Variants in UNC45B observed in about 807,000 individuals in gnomAD.
The protein encoded by UNC45B is unc-45 myosin chaperone B, also known as protein unc-45 homolog B.
UNC45B carries 78 observed loss-of-function variants against 98.7 expected under a neutral mutation model. That is an observed-to-expected ratio of 0.79 (90% CI 0.66 to 0.95). The LOEUF (loss-of-function observed/expected upper bound fraction) is 0.95, where lower values mean the gene tolerates loss of function less well. Among genes scored for constraint, UNC45B ranks in the 40% least tolerant of loss-of-function variants. UNC45B has a pLI of 0.00. For missense variants in UNC45B, 1,225 were observed against 1,184.9 expected (o/e 1.03, Z -0.50); for synonymous variants, 462 against 480.4 (o/e 0.96, Z 0.50).
intron 9 of UNC45B, among the ~76,000 whole-genome samples, chr17:35,166,095 A>G (rs1362157632): frequency 1.4e-5 from 2 of 146,842 alleles, no homozygotes; most frequent in Non-Finnish European, 3.0e-5. Context: ...CTAAAAAAAA[A>G]AAAAAAAAAA....
Position 35,174,359 on chromosome 17 carries a change from C to A in UNC45B, c.1948C>A (p.Leu650Met). Residue 650 changes from leucine to methionine, a missense_variant, in exon 14 of 20, where the codon CTG becomes ATG. Coordinates refer to ENST00000394570, the MANE Select transcript of UNC45B (RefSeq NM_001267052.2). ...CATCCTCACTGACCAGACCAAGGAGCTGCTGGCCAGGTGGGGCTGCAGTGG... is the reference window on the plus strand; with the variant it reads ...CATCCTCACTGACCAGACCAAGGAGATGCTGGCCAGGTGGGGCTGCAGTGG... Reference protein sequence around the residue: ...SAILTDQTKELLARVFLALCD... With the variant: ...SAILTDQTKEMLARVFLALCD... The A allele has an allele frequency of 6.2e-7, 1 of 1,614,126 alleles. No homozygotes were observed.
At position 35,186,578 on chromosome 17, in the gene UNC45B, G is replaced by T. The variant is rs772286138; in HGVS notation, c.*19G>T. The T allele has an allele frequency of 6.2e-7, 1 of 1,613,136 alleles. No individual in the cohort carries two copies. On this transcript the variant is annotated 3_prime_UTR_variant, in exon 20 of 20. Coordinates refer to ENST00000394570, the MANE Select transcript of UNC45B (RefSeq NM_001267052.2). Reference sequence around the variant, plus strand: ...GTCTTAGACAGCGACCCTCAGGGATGCTGGGAGTGGTCCTGTACTGTGCAG... The same window carrying T: ...GTCTTAGACAGCGACCCTCAGGGATTCTGGGAGTGGTCCTGTACTGTGCAG...
chr17:35,157,218 A>T (rs1376063105), intron 7 of UNC45B, among the ~76,000 whole-genome samples: 1 of 151,876 alleles, frequency 6.6e-6, no homozygotes, highest in African/African-American at 2.4e-5. Context: ...TTGCATTTAT[A>T]ATTTATTTTT....
intron 7 of UNC45B, among the ~76,000 whole-genome samples, chr17:35,155,714 C>A (rs1282997657): frequency 6.6e-6 from 1 of 152,106 alleles, no homozygotes; most frequent in East Asian, 1.9e-4. Flanking sequence ...GGACTACAGG[C>A]ACACACCATC....
intron 9 of UNC45B, among the ~76,000 whole-genome samples, chr17:35,166,386 G>A (rs2092141467): frequency 6.6e-6 from 1 of 152,160 alleles, no homozygotes; most frequent in Non-Finnish European, 1.5e-5. Context: ...CAAGGCTTCT[G>A]TCTTTCTCTA....
chr17:35,178,197 G>A (rs1314083944), intron 17 of UNC45B, among the ~76,000 whole-genome samples: 1 of 152,210 alleles, frequency 6.6e-6, no homozygotes, highest in Non-Finnish European at 1.5e-5. Flanking sequence ...ACCGCACCCA[G>A]CCAGCACTTC....
intron 13 of UNC45B, among the ~76,000 whole-genome samples, chr17:35,171,809 C>T (rs8076356): frequency 3.3e-5 from 5 of 152,260 alleles, no homozygotes; most frequent in African/African-American, 7.2e-5. Flanking sequence ...TCTCAGATTT[C>T]TGGATTTTGT....
chr17:35,147,897 T>C lies in UNC45B; in HGVS notation c.-14T>C. 1 of 202,164 alleles carries C rather than the reference T, an allele frequency of 4.9e-6. No homozygotes were observed. The highest frequency in any genetic ancestry group is 9.7e-5 in the South Asian group (1 of 10,274). The allele number at this position is 202,164 out of a possible 1,614,324, so 12.5% of individuals were successfully genotyped here. ...ACAAGAGGGCAGATCGAAAGCATCG[T>C]CCTTGCTGAAAAAGTGAGCATGGGC... is the stretch of plus-strand genomic sequence containing the variant. On this transcript the variant is annotated 5_prime_UTR_variant, in exon 1 of 20. Coordinates refer to ENST00000394570, the MANE Select transcript of UNC45B (RefSeq NM_001267052.2).
chr17:35,168,860 C>G (rs1009430976), intron 10 of UNC45B, among the ~76,000 whole-genome samples: 9 of 152,124 alleles, frequency 5.9e-5, no homozygotes, highest in African/African-American at 2.2e-4. Flanking sequence ...ACGTGTGCCA[C>G]CACACTCAGC....
At position 35,164,912 on chromosome 17, in the gene UNC45B, G is replaced by A. The variant is rs149659681; in HGVS notation, c.1151+746G>A. On this transcript the variant is annotated intron_variant, in intron 9 of 19. Transcript: ENST00000394570. ...TAATTTTTTTTTTTTTCTGTCACCC[G>A]GGCTGGAGTGCAGTGGCATGATCAT... Among the ~76,000 whole-genome samples the A allele has an allele frequency of 3.3e-3, 494 of 150,382 alleles. 3 individuals carry two copies. The highest frequency in any genetic ancestry group is 0.011 in the African/African-American group (452 of 40,872).
At chr17:35,182,091 CT>C (rs199562451) in intron 18 of UNC45B, among the ~76,000 whole-genome samples, 12,548 of 144,674 alleles carry the variant, frequency 0.087, 647 homozygotes, top group East Asian at 0.15. Context: ...GGGTGGCTCA[CT>C]TTTTTTTTTT....
chr17:35,170,366 T>G lies in UNC45B; in HGVS notation c.1689+111T>G, dbSNP rs2092175826. On this transcript the variant is annotated intron_variant, in intron 12 of 19. Transcript: ENST00000394570. The stretch of plus-strand genomic sequence containing the variant: ...CTCCTGGCTCTACTCCTTACCCCTG[T>G]ATAAACATGATTGGTTATTTCCCCC... 7.0e-6 allele frequency: 9 copies of G among 1,278,268 alleles called. No individual in the cohort carries two copies. In the South Asian group the frequency reaches 1.5e-4, roughly 21 times the overall value. The allele number at this position is 1,278,268 out of a possible 1,614,324, so 79.2% of individuals were successfully genotyped here.
At chr17:35,156,207 C>A (rs8070879) in intron 7 of UNC45B, among the ~76,000 whole-genome samples, 1 of 152,034 alleles carries the variant, frequency 6.6e-6, no homozygotes, top group Non-Finnish European at 1.5e-5. Flanking sequence ...GGGGAAATGG[C>A]GGGTTATTTT....
chr17:35,149,540 C>A (rs568066831), intron 3 of UNC45B, among the ~76,000 whole-genome samples: 2 of 152,344 alleles, frequency 1.3e-5, no homozygotes, highest in African/African-American at 4.8e-5. Flanking sequence ...TCTCAGCCTT[C>A]CAAGTAGCCG....
intron 15 of UNC45B, 84 bp from the exon 16 acceptor site, chr17:35,176,929 GGACA>G: frequency 2.9e-6 from 3 of 1,029,008 alleles, no homozygotes; most frequent in Admixed American, 2.0e-5. Flanking sequence ...ACCTCCCATG[GGACA>G]GACAGACAGC....
chr17:35,171,251 C>G lies in UNC45B; in HGVS notation c.1690-71C>G. 2.5e-6 allele frequency: 4 copies of G among 1,573,022 alleles called. No individual in the cohort carries two copies. The South Asian group carries it at 4.7e-5, about 19-fold the overall frequency. On this transcript the variant is annotated intron_variant, in intron 12 of 19. Transcript: ENST00000394570. ...CCAACCTGCCGGCCACGTGAGGGAGCATCCTGGAAGCAGAGGTTTGTCCTA... is the reference window on the plus strand; with the variant it reads ...CCAACCTGCCGGCCACGTGAGGGAGGATCCTGGAAGCAGAGGTTTGTCCTA...
Position 35,152,924 on chromosome 17 carries a change from T to A in UNC45B, c.413T>A (p.Val138Glu). The change falls in exon 5 of 20, where the codon GTA becomes GAA. Residue 138 changes from valine (V) to glutamate (E), a missense_variant. Val to Glu is a moderately radical substitution (Grantham distance 121). Transcript: ENST00000394570. Reference protein sequence around the residue: ...LRVQFSTDSRVQKMFEILLDE... With the variant: ...LRVQFSTDSREQKMFEILLDE... ...GTGCAGTTCTCCACAGACTCGAGGGTACAGAAGATGTTTGAGATCCTCTTG... is the reference window on the plus strand; with the variant it reads ...GTGCAGTTCTCCACAGACTCGAGGGAACAGAAGATGTTTGAGATCCTCTTG... 6.2e-7 allele frequency: 1 copy of A among 1,614,024 alleles called. No individual in the cohort carries two copies. Among genetic ancestry groups the A allele is most frequent in the African/African-American group, 1.3e-5 (1 of 74,982 alleles).
Position 35,189,212 on chromosome 17 carries a change from T to C in UNC45B, c.*2653T>C. 1 of 152,338 alleles carries C rather than the reference T, an allele frequency of 6.6e-6. No individual in the cohort carries two copies. Among genetic ancestry groups the C allele is most frequent in the East Asian group, 1.9e-4 (1 of 5,192 alleles). 9.4% of individuals were successfully genotyped at this position (152,338 alleles called of 1,614,324 possible). A position where few individuals can be genotyped will look rare whatever the true frequency, so the allele number is the denominator to read the frequency against. Reference sequence around the variant, plus strand: ...AACTTGGTCTGTGTCATATTAATCCTTTGCCATTTGAGAAGCATACAGTTT... The same window carrying C: ...AACTTGGTCTGTGTCATATTAATCCCTTGCCATTTGAGAAGCATACAGTTT... On this transcript the variant is annotated 3_prime_UTR_variant, in exon 20 of 20. Coordinates refer to ENST00000394570, the MANE Select transcript of UNC45B (RefSeq NM_001267052.2).
chr17:35,170,201 G>A lies in UNC45B; in HGVS notation c.1635G>A (p.Lys545=). Reference sequence around the variant, plus strand: ...ACCTCACGCTGGACGCTGATGTGAAGGACGACTTTGTCCAGGACGTCCCTG... The same window carrying A: ...ACCTCACGCTGGACGCTGATGTGAAAGACGACTTTGTCCAGGACGTCCCTG... The part of the protein sequence containing the change: ...LAYLTLDADV[K]DDFVQDVPAL... Residue 545 remains lysine, a synonymous_variant, in exon 12 of 20, where the codon AAG becomes AAA. Transcript: ENST00000394570. 2 of 1,613,870 alleles carry A rather than the reference G, an allele frequency of 1.2e-6. No homozygotes were observed. Among genetic ancestry groups the A allele is most frequent in the East Asian group, 2.2e-5 (1 of 44,880 alleles).
Sources: gnomAD v4.1 joint callset for allele counts (sites outside exome capture counted in the v4.1 genomes callset) on GRCh38, gnomAD v4.1.1 for gene constraint, MANE v1.5 for transcripts, NCBI Gene and HGNC (gene_info 2026-07-23, HGNC 2026-07-21) for gene names.